TRPC5: variants seen among roughly 807,000 people sequenced by gnomAD.
TRPC5 encodes transient receptor potential cation channel subfamily C member 5.
A neutral mutation model predicts 56.5 loss-of-function variants in TRPC5; 9 were observed. The ratio of observed to expected loss-of-function variants is 0.16; its 90% confidence interval spans 0.10 to 0.28. TRPC5 has a LOEUF of 0.28. TRPC5 is among the 10% of genes least tolerant of loss of function. The pLI is 1.00. For missense variants in TRPC5, 469 were observed against 748.9 expected (o/e 0.63, Z 4.36); for synonymous variants, 282 against 278.5 (o/e 1.01, Z -0.13).
chrX:111,935,694 C>T (rs1347698295), intron 2 of TRPC5, among the ~76,000 whole-genome samples: 1 of 111,986 alleles, frequency 8.9e-6, no homozygotes, highest in Admixed American at 9.5e-5. Context: ...ATGTGGATAT[C>T]CAGTTATCTC....
chrX:111,955,310 A>T (rs1401517092), intron 1 of TRPC5, among the ~76,000 whole-genome samples: 2 of 111,865 alleles, frequency 1.8e-5, no homozygotes, highest in Non-Finnish European at 3.8e-5. Context: ...AAGGGACTAC[A>T]TTGCCAAAAC....
intron 1 of TRPC5, among the ~76,000 whole-genome samples, chrX:112,017,425 C>A (rs1278023005): frequency 9.0e-6 from 1 of 110,927 alleles, no homozygotes; most frequent in Non-Finnish European, 1.9e-5. Context: ...CTATTTTCGG[C>A]CCCAGTGATA....
At chrX:111,829,041 T>C (rs778318376) in intron 7 of TRPC5, among the ~76,000 whole-genome samples, 13 of 111,234 alleles carry the variant, frequency 1.2e-4, no homozygotes, top group Non-Finnish European at 2.3e-4. Context: ...TGGTGGCTCA[T>C]GCCTGTAATC....
At chrX:111,993,386 G>C (rs1479512476) in intron 1 of TRPC5, among the ~76,000 whole-genome samples, 1 of 112,055 alleles carries the variant, frequency 8.9e-6, no homozygotes. Context: ...CTTTATAGTA[G>C]CATGATTTAT....
intron 2 of TRPC5, among the ~76,000 whole-genome samples, chrX:111,932,106 T>C (rs751975554): frequency 1.6e-4 from 18 of 111,137 alleles, no homozygotes; most frequent in Non-Finnish European, 2.8e-4. Context: ...GAGAAAAAGA[T>C]AAGGATTCTG....
At chrX:111,860,085 A>G (rs756011390) in intron 3 of TRPC5, among the ~76,000 whole-genome samples, 2 of 111,752 alleles carry the variant, frequency 1.8e-5, no homozygotes, top group African/African-American at 3.3e-5. Flanking sequence ...ATTTTTTTGT[A>G]TTTTAGTAGA....
At chrX:112,055,977 G>A (rs963335214) in intron 1 of TRPC5, among the ~76,000 whole-genome samples, 27 of 111,257 alleles carry the variant, frequency 2.4e-4, no homozygotes, top group Admixed American at 7.7e-4. Context: ...TCAGGAGTGG[G>A]AGAGGATTCA....
intron 1 of TRPC5, among the ~76,000 whole-genome samples, chrX:111,957,753 G>C (rs1262660741): frequency 8.9e-6 from 1 of 112,133 alleles, no homozygotes; most frequent in Non-Finnish European, 1.9e-5. Context: ...CAGAGCACTT[G>C]GTAGTAGGGA....
At chrX:111,955,483 C>T (rs1927207686) in intron 1 of TRPC5, among the ~76,000 whole-genome samples, 2 of 112,117 alleles carry the variant, frequency 1.8e-5, no homozygotes, top group Admixed American at 1.9e-4. Flanking sequence ...GGTATCCAGC[C>T]TTGGAAAACT....
At chrX:112,030,115 G>A (rs753331969) in intron 1 of TRPC5, among the ~76,000 whole-genome samples, 15 of 112,498 alleles carry the variant, frequency 1.3e-4, no homozygotes, top group East Asian at 8.4e-4. Context: ...GTGAGCCACC[G>A]CACCCAGCTG....
At chrX:111,954,643 C>G (rs1194337537) in intron 1 of TRPC5, among the ~76,000 whole-genome samples, 2 of 111,932 alleles carry the variant, frequency 1.8e-5, no homozygotes, top group African/African-American at 6.5e-5. Context: ...TGAACACTTG[C>G]TGCCCATTTG....
intron 1 of TRPC5, among the ~76,000 whole-genome samples, chrX:111,959,865 T>A (rs1307860120): frequency 9.0e-6 from 1 of 111,324 alleles, no homozygotes; most frequent in Admixed American, 9.6e-5. Flanking sequence ...GGATGATGTA[T>A]CATATTATAA....
chrX:111,787,062 G>C (rs186575168), intron 7 of TRPC5, among the ~76,000 whole-genome samples: 1 of 111,747 alleles, frequency 8.9e-6, no homozygotes, highest in African/African-American at 3.3e-5. Context: ...AGACCTAATA[G>C]ACATCTACAG....
chrX:111,956,275 G>A (rs1412637803), intron 1 of TRPC5, among the ~76,000 whole-genome samples: 2 of 111,890 alleles, frequency 1.8e-5, no homozygotes, highest in Admixed American at 9.5e-5. Context: ...CTTGCACCAC[G>A]TGTCATGAAG....
In TRPC5 at chrX:112,081,988, A is replaced by G. The variant is rs1281595551; in HGVS notation, c.-131T>C. ...CTCCTCTTTTGCGGCGCGAAACAGCAGCCGACTGGGACAGCCCGGGGCCTC... is the reference window on the plus strand; with the variant it reads ...CTCCTCTTTTGCGGCGCGAAACAGCGGCCGACTGGGACAGCCCGGGGCCTC... On this transcript the variant is annotated 5_prime_UTR_variant, in exon 1 of 11. Transcript: ENST00000262839. 1 of 111,551 alleles carries G rather than the reference A, an allele frequency of 9.0e-6. No homozygotes were observed. Among genetic ancestry groups the G allele is most frequent in the Non-Finnish European group, 1.9e-5 (1 of 53,154 alleles). 9.2% of individuals were successfully genotyped at this position (111,551 alleles called of 1,213,427 possible). A position where few individuals can be genotyped will look rare whatever the true frequency, so the allele number is the denominator to read the frequency against.
At chrX:111,778,153 G>A (rs1945893125) in intron 10 of TRPC5, among the ~76,000 whole-genome samples, 1 of 111,057 alleles carries the variant, frequency 9.0e-6, no homozygotes, top group Admixed American at 9.6e-5. Context: ...GTCAGGTGGT[G>A]GGGGTTAGGG....
At chrX:111,915,946 A>AG (rs1435989249) in intron 2 of TRPC5, among the ~76,000 whole-genome samples, 24 of 109,862 alleles carry the variant, frequency 2.2e-4, no homozygotes, top group Non-Finnish European at 5.7e-5. Context: ...TCTCTAAAAA[A>AG]CAAACAAACA....
intron 3 of TRPC5, among the ~76,000 whole-genome samples, chrX:111,864,877 T>C (rs1923502085): frequency 9.6e-6 from 1 of 104,195 alleles, no homozygotes; most frequent in Non-Finnish European, 1.9e-5. Context: ...CTTGTAACTT[T>C]TTAACTTTTC....
intron 1 of TRPC5, among the ~76,000 whole-genome samples, chrX:112,081,217 G>T: frequency 8.9e-6 from 1 of 112,139 alleles, no homozygotes; most frequent in Non-Finnish European, 1.9e-5. Context: ...CTGCATATGT[G>T]GGACATGATC....
Sources: allele counts gnomAD v4.1 joint callset (sites outside exome capture counted in the v4.1 genomes callset), GRCh38; gene constraint gnomAD v4.1.1; transcripts MANE v1.5; gene names NCBI Gene and HGNC (gene_info 2026-07-23, HGNC 2026-07-21).